Variants in NRG3 observed in about 807,000 individuals in gnomAD.
NRG3 encodes the protein neuregulin 3.
A neutral mutation model predicts 66.9 loss-of-function variants in NRG3; 31 were observed. That is an observed-to-expected ratio of 0.46 (90% CI 0.35 to 0.63). NRG3 has a LOEUF of 0.63. Among genes scored for constraint, NRG3 ranks in the 20% least tolerant of loss-of-function variants. The probability of loss-of-function intolerance (pLI) is 0.00; values close to 1 mark genes in which losing one functional copy is unlikely to be tolerated. For synonymous variants in NRG3, 393 were observed against 359.4 expected (o/e 1.09, Z -1.06); for missense variants, 910 against 878.9 (o/e 1.04, Z -0.45).
At chr10:82,616,206 G>A (rs1161139632) in intron 2 of NRG3, among the ~76,000 whole-genome samples, 2 of 152,120 alleles carry the variant, frequency 1.3e-5, no homozygotes, top group African/African-American at 4.8e-5. Flanking sequence ...TGCTATTCAG[G>A]ATATCGATTA....
At chr10:81,933,225 A>G (rs1051023814) in intron 1 of NRG3, among the ~76,000 whole-genome samples, 2 of 152,174 alleles carry the variant, frequency 1.3e-5, no homozygotes, top group Non-Finnish European at 2.9e-5. Flanking sequence ...AGCTAGCACA[A>G]CAATATGCCT....
intron 1 of NRG3, among the ~76,000 whole-genome samples, chr10:82,081,812 C>T (rs185661939): frequency 2.1e-4 from 32 of 152,254 alleles, no homozygotes; most frequent in Non-Finnish European, 4.1e-4. Flanking sequence ...ACATTATTTA[C>T]ATAAGGAATG....
chr10:81,967,960 G>A (rs905483877), intron 1 of NRG3, among the ~76,000 whole-genome samples: 6 of 152,118 alleles, frequency 3.9e-5, no homozygotes, highest in African/African-American at 1.4e-4. Flanking sequence ...CTTTATTATA[G>A]TATGTTTATG....
chr10:81,965,275 T>C (rs1335518081), intron 1 of NRG3, among the ~76,000 whole-genome samples: 1 of 152,242 alleles, frequency 6.6e-6, no homozygotes, highest in African/African-American at 2.4e-5. Context: ...CTGTCATCTA[T>C]CAATGAATTC....
chr10:82,156,055 T>C (rs567461166), intron 1 of NRG3, among the ~76,000 whole-genome samples: 2 of 151,762 alleles, frequency 1.3e-5, no homozygotes, highest in East Asian at 3.9e-4. Flanking sequence ...TGTTCCTCTG[T>C]TCATATGTTT....
intron 3 of NRG3, among the ~76,000 whole-genome samples, chr10:82,780,909 T>C (rs2060095962): frequency 6.6e-6 from 1 of 152,154 alleles, no homozygotes; most frequent in Non-Finnish European, 1.5e-5. Context: ...TTGCTCAGTG[T>C]CTGGTGTAAG....
At chr10:81,992,958 A>G (rs1589713422) in intron 1 of NRG3, among the ~76,000 whole-genome samples, 1 of 152,166 alleles carries the variant, frequency 6.6e-6, no homozygotes. Context: ...TGATTAATCT[A>G]TACTTCCCTA....
At chr10:81,969,009 G>A (rs2133351196) in intron 1 of NRG3, among the ~76,000 whole-genome samples, 1 of 152,296 alleles carries the variant, frequency 6.6e-6, no homozygotes, top group Middle Eastern at 3.4e-3. Context: ...AGGATAACCT[G>A]AGTTTCCTGT....
At position 81,930,194 on chromosome 10, in the gene NRG3, A is replaced by C. The variant is rs1589495762; in HGVS notation, c.823+54031A>C. Reference sequence around the variant, plus strand: ...ACATACCGTTTCAACTCAAACTGGTACACTGCAATTCAGTTCTCATAACCA... The same window carrying C: ...ACATACCGTTTCAACTCAAACTGGTCCACTGCAATTCAGTTCTCATAACCA... On this transcript the variant is annotated intron_variant, in intron 1 of 8. Coordinates refer to ENST00000372141, the MANE Select transcript of NRG3 (RefSeq NM_001010848.4). 3.9e-5 allele frequency among the ~76,000 whole-genome samples: 6 copies of C among 152,272 alleles called. No individual in the cohort carries two copies. The South Asian group carries it at 1.2e-3, about 32-fold the overall frequency.
At chr10:82,022,680 A>G (rs2062115910) in intron 1 of NRG3, among the ~76,000 whole-genome samples, 1 of 152,062 alleles carries the variant, frequency 6.6e-6, no homozygotes, top group African/African-American at 2.4e-5. Context: ...TATGCCTTAG[A>G]TCTGCATTGT....
At chr10:82,387,001 T>G (rs1021346392) in intron 2 of NRG3, among the ~76,000 whole-genome samples, 3 of 152,150 alleles carry the variant, frequency 2.0e-5, no homozygotes, top group Non-Finnish European at 2.9e-5. Flanking sequence ...GATCTCACCA[T>G]GTTGGCCAGG....
chr10:82,217,039 A>G (rs1299328172), intron 1 of NRG3, among the ~76,000 whole-genome samples: 1 of 152,214 alleles, frequency 6.6e-6, no homozygotes, highest in Non-Finnish European at 1.5e-5. Context: ...ATTGTTTCAC[A>G]ATTCAAAGAA....
At chr10:82,837,771 G>T (rs562362476) in intron 3 of NRG3, among the ~76,000 whole-genome samples, 1 of 152,194 alleles carries the variant, frequency 6.6e-6, no homozygotes, top group East Asian at 1.9e-4. Context: ...GGAATGAAAG[G>T]CTCATCATGG....
chr10:82,667,048 G>A (rs973113150), intron 2 of NRG3, among the ~76,000 whole-genome samples: 1 of 152,186 alleles, frequency 6.6e-6, no homozygotes, highest in Non-Finnish European at 1.5e-5. Flanking sequence ...AGAGTTCTGT[G>A]TTTCTGACTG....
chr10:82,289,207 C>A (rs2079586624), intron 1 of NRG3, among the ~76,000 whole-genome samples: 2 of 149,192 alleles, frequency 1.3e-5, no homozygotes, highest in Admixed American at 1.3e-4. Flanking sequence ...TCTGATTCCA[C>A]CCTTCACGCC....
At chr10:82,838,902 T>A (rs2062913165) in intron 3 of NRG3, among the ~76,000 whole-genome samples, 1 of 152,028 alleles carries the variant, frequency 6.6e-6, no homozygotes. Flanking sequence ...GGCCTCACAA[T>A]CATGGCGGAA....
chr10:82,298,074 G>T (rs774799146), intron 1 of NRG3, among the ~76,000 whole-genome samples: 3 of 152,130 alleles, frequency 2.0e-5, no homozygotes, highest in East Asian at 1.9e-4. Context: ...AGTCCAGGAG[G>T]TGGAGGCTGC....
chr10:82,450,549 C>G (rs992651992), intron 2 of NRG3, among the ~76,000 whole-genome samples: 17 of 152,138 alleles, frequency 1.1e-4, no homozygotes, highest in African/African-American at 3.9e-4. Flanking sequence ...ACACCCTCTT[C>G]TGGAGCAGAT....
chr10:81,989,888 G>GA (rs1324700585), intron 1 of NRG3, among the ~76,000 whole-genome samples: 13 of 151,874 alleles, frequency 8.6e-5, no homozygotes, highest in Middle Eastern at 3.4e-3. Context: ...TGAAAAAATG[G>GA]AAAAAAAATC....
Sources: gnomAD v4.1 joint callset for allele counts (sites outside exome capture counted in the v4.1 genomes callset) on GRCh38, gnomAD v4.1.1 for gene constraint, MANE v1.5 for transcripts, NCBI Gene and HGNC (gene_info 2026-07-23, HGNC 2026-07-21) for gene names.